Variants in CFDP1 observed in about 807,000 individuals in gnomAD.
The protein encoded by CFDP1 is heterochromatin-stabilizing protein CFDP1.
A neutral mutation model predicts 40.1 loss-of-function variants in CFDP1; 31 were observed. The ratio of observed to expected loss-of-function variants is 0.77; its 90% CI spans 0.58 to 1.04. The LOEUF is 1.04. Ranked by LOEUF, CFDP1 falls within the 50% of genes least tolerant of loss-of-function variation. The pLI is 0.00. For missense variants in CFDP1, 423 were observed against 343.4 expected, an observed-to-expected ratio of 1.23 and a Z score of -1.83; for synonymous variants, 167 against 120.0, an observed-to-expected ratio of 1.39 and a Z score of -2.56.
At chr16:75,401,187 G>C (rs1165124953) in intron 4 of CFDP1, among the ~76,000 whole-genome samples, 2 of 152,116 alleles carry the variant, frequency 1.3e-5, no homozygotes, top group African/African-American at 2.4e-5. Flanking sequence ...CCAGCACTTT[G>C]GGAGGCCGAG....
At chr16:75,357,886 G>A (rs1472988004) in intron 5 of CFDP1, among the ~76,000 whole-genome samples, 1 of 152,132 alleles carries the variant, frequency 6.6e-6, no homozygotes, top group Non-Finnish European at 1.5e-5. Context: ...GCCTGTCTTG[G>A]CTTTCAACAT....
intron 5 of CFDP1, among the ~76,000 whole-genome samples, chr16:75,372,810 C>T (rs997570889): frequency 3.3e-5 from 5 of 152,118 alleles, no homozygotes; most frequent in African/African-American, 1.2e-4. Context: ...CAAATACATA[C>T]CCTTTAAATG....
intron 5 of CFDP1, among the ~76,000 whole-genome samples, chr16:75,318,248 A>G (rs571642267): frequency 6.6e-4 from 101 of 152,212 alleles, no homozygotes; most frequent in African/African-American, 2.3e-3. Context: ...TCTCATGAAC[A>G]TTCCCCTGAT....
At chr16:75,418,746 A>C (rs567800200) in intron 1 of CFDP1, among the ~76,000 whole-genome samples, 3 of 152,216 alleles carry the variant, frequency 2.0e-5, no homozygotes, top group South Asian at 2.1e-4. Context: ...AAAAAAAAAA[A>C]AAAAACTCAT....
chr16:75,370,672 G>A (rs2078745198), intron 5 of CFDP1, among the ~76,000 whole-genome samples: 1 of 152,032 alleles, frequency 6.6e-6, no homozygotes, highest in Admixed American at 6.6e-5. Context: ...AGACCATTCT[G>A]GCCAACATGG....
At chr16:75,393,528 G>T (rs147659597) in intron 5 of CFDP1, among the ~76,000 whole-genome samples, 1 of 150,140 alleles carries the variant, frequency 6.7e-6, no homozygotes. Context: ...TCAGGAGATC[G>T]AGACCATCCT....
intron 5 of CFDP1, among the ~76,000 whole-genome samples, chr16:75,366,619 A>G (rs540336444): frequency 4.6e-5 from 7 of 152,166 alleles, no homozygotes; most frequent in African/African-American, 1.2e-4. Context: ...AGTGAGTGCG[A>G]CTCTGTCTCA....
chr16:75,329,038 G>A (rs9941142), intron 5 of CFDP1, among the ~76,000 whole-genome samples: 32,984 of 151,756 alleles, frequency 0.22, 3,908 homozygotes, highest in African/African-American at 0.31. Context: ...TAGTAGAGAC[G>A]GGGTTTCTCC....
intron 5 of CFDP1, among the ~76,000 whole-genome samples, chr16:75,366,141 A>G (rs542000300): frequency 1.3e-5 from 2 of 152,358 alleles, no homozygotes; most frequent in South Asian, 2.1e-4. Flanking sequence ...ATGTCCATCA[A>G]CTGATGAATG....
At chr16:75,337,312 T>A (rs900903398) in intron 5 of CFDP1, among the ~76,000 whole-genome samples, 1 of 152,126 alleles carries the variant, frequency 6.6e-6, no homozygotes, top group Non-Finnish European at 1.5e-5. Context: ...GCAGGCAAGA[T>A]CCATGGGTAC....
intron 1 of CFDP1, among the ~76,000 whole-genome samples, chr16:75,428,663 A>T (rs1227031977): frequency 6.6e-6 from 1 of 151,564 alleles, no homozygotes; most frequent in Non-Finnish European, 1.5e-5. Context: ...GGAGAGGGAG[A>T]GAAAGAAAAA....
At chr16:75,408,724 G>A (rs62062564) in intron 4 of CFDP1, among the ~76,000 whole-genome samples, 74,895 of 151,262 alleles carry the variant, frequency 0.5, 20,031 homozygotes, top group Admixed American at 0.63. Flanking sequence ...GCAGAGAGCC[G>A]AGATCATGCC....
chr16:75,330,962 T>TAA (rs11333509), intron 5 of CFDP1, among the ~76,000 whole-genome samples: 36 of 127,666 alleles, frequency 2.8e-4, no homozygotes, highest in East Asian at 2.7e-3. Context: ...TTCCAATTAT[T>TAA]AAAAAAAAAA....
rs1275446436 is a variant in CFDP1, at chr16:75,395,182, A to C, written c.558T>G (p.Ser186=). ...GCTTGAAGAAGGATTTGGCCTCTTT[A>C]GATGTAGCATCCACTTCCTTAGTTA... is the stretch of plus-strand genomic sequence containing the variant. ...VRVTKEVDAT[S]KEAKSFFKQN... is the part of the protein sequence containing the mutation. The change falls in exon 5 of 7, where the codon TCT becomes TCG. Residue 186 remains serine, a synonymous_variant. Transcript: ENST00000283882. The C allele has an allele frequency of 1.2e-6, 2 of 1,613,656 alleles. No individual in the cohort carries two copies. Among genetic ancestry groups the C allele is most frequent in the Non-Finnish European group, 1.7e-6 (2 of 1,179,780 alleles).
intron 6 of CFDP1, among the ~76,000 whole-genome samples, chr16:75,303,503 A>ACCTC (rs2078237269): frequency 7.8e-6 from 1 of 128,074 alleles, no homozygotes; most frequent in Admixed American, 8.6e-5. Flanking sequence ...TAGAAATATG[A>ACCTC]CCCCCCCCAA....
chr16:75,323,227 T>TAA (rs1270697879), intron 5 of CFDP1, among the ~76,000 whole-genome samples: 4 of 143,606 alleles, frequency 2.8e-5, no homozygotes, highest in African/African-American at 5.1e-5. Flanking sequence ...TTTTTAACGT[T>TAA]AAAAAAAAAA....
rs376792430 is a variant in CFDP1 at position 75,336,602 on chromosome 16, A to G, written c.651-31420T>C. 1.4e-4 allele frequency among the ~76,000 whole-genome samples: 21 copies of G among 152,316 alleles called. 3 individuals carry two copies. Among genetic ancestry groups the G allele is most frequent in the Admixed American group, 5.9e-4 (9 of 15,308 alleles). On this transcript the variant is annotated intron_variant, in intron 5 of 6. Transcript: ENST00000283882. ...CACTATTCTGCTCCTAGCTTTTTCA[A>G]TTATCTACCATGTATTTCAGGGATC... is the stretch of plus-strand genomic sequence containing the variant.
At chr16:75,362,147 G>T (rs1055313003) in intron 5 of CFDP1, among the ~76,000 whole-genome samples, 1 of 152,162 alleles carries the variant, frequency 6.6e-6, no homozygotes, top group South Asian at 2.1e-4. Flanking sequence ...GACAGTCCTG[G>T]GTCAGTACTG....
In CFDP1 at chr16:75,411,963, A is replaced by C. The variant is rs2079166924; in HGVS notation, c.403-11T>G. On this transcript the variant is annotated splice_polypyrimidine_tract_variant and intron_variant, in intron 3 of 6. Transcript: ENST00000283882. ...AGTCTCCTCTCCTTTCTATAAAAAAAACAAGAAATGTAATGTTTCACCAAA... is the reference window on the plus strand; with the variant it reads ...AGTCTCCTCTCCTTTCTATAAAAAACACAAGAAATGTAATGTTTCACCAAA... 1 of 1,582,644 alleles carries C rather than the reference A, an allele frequency of 6.3e-7. No individual in the cohort carries two copies.
Sources: allele counts gnomAD v4.1 joint callset (sites outside exome capture counted in the v4.1 genomes callset), GRCh38; gene constraint gnomAD v4.1.1; transcripts MANE v1.5; gene names NCBI Gene and HGNC (gene_info 2026-07-23, HGNC 2026-07-21).